Variants in NCAM1 observed in about 807,000 individuals in gnomAD.
The protein encoded by NCAM1 is neural cell adhesion molecule 1.
NCAM1 carries 14 observed loss-of-function variants against 109.8 expected under a neutral mutation model. That is an observed-to-expected ratio of 0.13 (90% CI 0.08 to 0.20). The LOEUF is 0.20. Ranked by LOEUF, NCAM1 falls within the 10% of genes least tolerant of loss-of-function variation. NCAM1 has a pLI of 1.00. For missense variants in NCAM1, 774 were observed against 1,109.9 expected (o/e 0.70, Z 4.30); for synonymous variants, 418 against 442.9 (o/e 0.94, Z 0.70).
chr11:113,195,370 G>T (rs971649651), intron 1 of NCAM1, among the ~76,000 whole-genome samples: 1 of 151,566 alleles, frequency 6.6e-6, no homozygotes, highest in Non-Finnish European at 1.5e-5. Flanking sequence ...AACCTGACAA[G>T]TTCCATTATT....
At chr11:113,192,948 T>G (rs568888005) in intron 1 of NCAM1, among the ~76,000 whole-genome samples, 3 of 152,292 alleles carry the variant, frequency 2.0e-5, no homozygotes, top group African/African-American at 7.2e-5. Flanking sequence ...GTTTCACCCC[T>G]TCTTGGCAGA....
intron 1 of NCAM1, among the ~76,000 whole-genome samples, chr11:113,035,676 A>C (rs1289323462): frequency 6.6e-6 from 1 of 152,164 alleles, no homozygotes; most frequent in African/African-American, 2.4e-5. Context: ...GCATTGGAAT[A>C]TTTTCTAGAT....
At chr11:113,081,373 A>C (rs1037402000) in intron 1 of NCAM1, among the ~76,000 whole-genome samples, 2 of 152,000 alleles carry the variant, frequency 1.3e-5, no homozygotes, top group Non-Finnish European at 1.5e-5. Flanking sequence ...CCGGTCCTGG[A>C]GTTGGGCATG....
chr11:113,120,566 G>T (rs1224407469), intron 1 of NCAM1, among the ~76,000 whole-genome samples: 1 of 152,100 alleles, frequency 6.6e-6, no homozygotes, highest in Non-Finnish European at 1.5e-5. Flanking sequence ...GCCTCAGATT[G>T]ATTTTATTAT....
At chr11:113,203,673 C>T (rs1944141592) in intron 2 of NCAM1, among the ~76,000 whole-genome samples, 1 of 152,216 alleles carries the variant, frequency 6.6e-6, no homozygotes, top group Non-Finnish European at 1.5e-5. Context: ...ACCTTCTTTG[C>T]AGCATGCAAG....
intron 18 of NCAM1, among the ~76,000 whole-genome samples, chr11:113,271,427 C>T (rs373454301): frequency 6.7e-5 from 10 of 148,478 alleles, no homozygotes; most frequent in African/African-American, 2.5e-4. Flanking sequence ...TGTATGTATA[C>T]CTGTGTACAG....
At chr11:113,063,918 T>C (rs1156970068) in intron 1 of NCAM1, among the ~76,000 whole-genome samples, 1 of 152,216 alleles carries the variant, frequency 6.6e-6, no homozygotes, top group Non-Finnish European at 1.5e-5. Flanking sequence ...GAATCTGTAT[T>C]CTGTGTGACT....
At chr11:112,983,106 A>G (rs892951241) in intron 1 of NCAM1, among the ~76,000 whole-genome samples, 1 of 152,008 alleles carries the variant, frequency 6.6e-6, no homozygotes, top group Non-Finnish European at 1.5e-5. Context: ...ATTTTCAAAA[A>G]GAATTAAAAC....
intron 9 of NCAM1, 65 bp from the exon 10 acceptor site, chr11:113,231,580 T>C: frequency 6.6e-7 from 1 of 1,523,078 alleles, no homozygotes; most frequent in Non-Finnish European, 9.0e-7. Context: ...CATCCTGCCA[T>C]AGCACTGTTG....
chr11:113,138,812 G>A (rs1356105117), intron 1 of NCAM1, among the ~76,000 whole-genome samples: 1 of 152,172 alleles, frequency 6.6e-6, no homozygotes, highest in Non-Finnish European at 1.5e-5. Flanking sequence ...TAATCATCCA[G>A]CCGAAACACA....
chr11:113,092,585 G>A (rs1172093783), intron 1 of NCAM1, among the ~76,000 whole-genome samples: 2 of 152,124 alleles, frequency 1.3e-5, no homozygotes, highest in Non-Finnish European at 2.9e-5. Context: ...TGATAAAATT[G>A]CAATTATATG....
intron 1 of NCAM1, among the ~76,000 whole-genome samples, chr11:112,965,697 T>C (rs782441652): frequency 6.6e-6 from 1 of 152,222 alleles, no homozygotes; most frequent in Non-Finnish European, 1.5e-5. Flanking sequence ...ATGAGTTTGA[T>C]AAATTTCTCA....
chr11:113,082,813 C>G (rs1341703784), intron 1 of NCAM1, among the ~76,000 whole-genome samples: 1 of 152,140 alleles, frequency 6.6e-6, no homozygotes, highest in Non-Finnish European at 1.5e-5. Context: ...ATTTGCTTAA[C>G]AACTCTGTCA....
intron 1 of NCAM1, among the ~76,000 whole-genome samples, chr11:113,021,903 A>G (rs1952396750): frequency 2.0e-5 from 3 of 152,244 alleles, no homozygotes; most frequent in South Asian, 2.1e-4. Flanking sequence ...AGCTACTGCA[A>G]TGGTTGTTTC....
chr11:113,200,235 C>A (rs181588067), intron 1 of NCAM1, among the ~76,000 whole-genome samples: 1 of 152,228 alleles, frequency 6.6e-6, no homozygotes, highest in Non-Finnish European at 1.5e-5. Context: ...CTTAGGTGAC[C>A]GTGGCATAGA....
At chr11:112,990,569 G>A (rs776648231) in intron 1 of NCAM1, among the ~76,000 whole-genome samples, 13 of 152,152 alleles carry the variant, frequency 8.5e-5, no homozygotes, top group Non-Finnish European at 1.6e-4. Context: ...TAGATCAGCT[G>A]GACTGATCTC....
intron 17 of NCAM1, among the ~76,000 whole-genome samples, chr11:113,265,554 C>T (rs1946120279): frequency 6.6e-6 from 1 of 152,174 alleles, no homozygotes; most frequent in African/African-American, 2.4e-5. Flanking sequence ...CTAACAGAGG[C>T]TGCACAGAGT....
At chr11:113,184,865 G>A (rs376292299) in intron 1 of NCAM1, among the ~76,000 whole-genome samples, 8 of 152,042 alleles carry the variant, frequency 5.3e-5, no homozygotes, top group South Asian at 2.1e-4. Flanking sequence ...GTGTCCAGTC[G>A]TAACGTCCTG....
At chr11:113,235,324 A>T in intron 14 of NCAM1, 160 bp downstream of exon 14, 1 of 1,439,846 alleles carries the variant, frequency 6.9e-7, no homozygotes, top group East Asian at 2.3e-5. Context: ...TCTGGTTCTC[A>T]GTGACAGCTA....
Sources: allele counts gnomAD v4.1 joint callset (sites outside exome capture counted in the v4.1 genomes callset), GRCh38; gene constraint gnomAD v4.1.1; transcripts MANE v1.5; gene names NCBI Gene and HGNC (gene_info 2026-07-23, HGNC 2026-07-21).